ROBO2: variants seen among roughly 807,000 people sequenced by gnomAD.
ROBO2 encodes the protein roundabout guidance receptor 2.
In ROBO2, 53 loss-of-function variants were observed where a neutral mutation model predicts 160.8. The ratio of observed to expected loss-of-function variants is 0.33; its 90% CI spans 0.26 to 0.41. The LOEUF is 0.41. Among genes scored for constraint, ROBO2 ranks in the 10% least tolerant of loss-of-function variants. ROBO2 has a pLI of 1.00. For missense variants in ROBO2, 1,577 were observed against 1,722.4 expected, an observed-to-expected ratio of 0.92 and a Z score of 1.49; for synonymous variants, 664 against 611.7, an observed-to-expected ratio of 1.09 and a Z score of -1.26.
intron 2 of ROBO2, among the ~76,000 whole-genome samples, chr3:76,841,319 C>T (rs949290129): frequency 1.4e-4 from 22 of 152,220 alleles, no homozygotes; most frequent in African/African-American, 5.1e-4. Flanking sequence ...TAGCTCTCCA[C>T]GATTTCCTCT....
intron 2 of ROBO2, among the ~76,000 whole-genome samples, chr3:76,134,599 A>T (rs1174178180): frequency 2.0e-5 from 3 of 152,034 alleles, no homozygotes; most frequent in Non-Finnish European, 4.4e-5. Flanking sequence ...TTTCACCTGT[A>T]TGGAATGGCC....
intron 2 of ROBO2, among the ~76,000 whole-genome samples, chr3:76,354,418 G>T (rs1260980641): frequency 6.6e-6 from 1 of 151,624 alleles, no homozygotes; most frequent in Non-Finnish European, 1.5e-5. Context: ...CTCTTTTGAT[G>T]GTGTGCTTTT....
intron 2 of ROBO2, among the ~76,000 whole-genome samples, chr3:77,335,379 C>G (rs1402898378): frequency 6.6e-6 from 1 of 152,096 alleles, no homozygotes; most frequent in Non-Finnish European, 1.5e-5. Flanking sequence ...CGCACTCCAG[C>G]CTGGGTGACA....
chr3:76,839,789 T>G (rs1262979201), intron 2 of ROBO2, among the ~76,000 whole-genome samples: 1 of 152,312 alleles, frequency 6.6e-6, no homozygotes, highest in Non-Finnish European at 1.5e-5. Context: ...GTGGAGCCAA[T>G]GGGTCTTGTG....
intron 2 of ROBO2, among the ~76,000 whole-genome samples, chr3:77,227,723 T>C (rs1213190995): frequency 6.6e-6 from 1 of 152,170 alleles, no homozygotes; most frequent in Non-Finnish European, 1.5e-5. Flanking sequence ...AGGTGGGGAA[T>C]TGGGGTGGAC....
At chr3:77,582,983 A>C (rs886779545) in intron 16 of ROBO2, among the ~76,000 whole-genome samples, 1 of 151,542 alleles carries the variant, frequency 6.6e-6, no homozygotes, top group South Asian at 2.1e-4. Flanking sequence ...CTAGTAAAAT[A>C]CAAAAGAAAT....
At chr3:76,809,396 TCA>T (rs1187116502) in intron 2 of ROBO2, among the ~76,000 whole-genome samples, 1 of 152,162 alleles carries the variant, frequency 6.6e-6, no homozygotes, top group Non-Finnish European at 1.5e-5. Context: ...CATAGTCTTC[TCA>T]CACTGTGGCA....
chr3:76,895,523 G>T (rs1036177412), intron 2 of ROBO2, among the ~76,000 whole-genome samples: 1 of 151,974 alleles, frequency 6.6e-6, no homozygotes, highest in Non-Finnish European at 1.5e-5. Context: ...TGATTATTGT[G>T]TGAAGTCTAT....
intron 2 of ROBO2, among the ~76,000 whole-genome samples, chr3:76,137,496 A>G (rs190283756): frequency 1.1e-3 from 162 of 152,158 alleles, no homozygotes; most frequent in African/African-American, 3.8e-3. Context: ...AGTTCTGTTT[A>G]GAAATAACTC....
chr3:76,805,819 T>C (rs2064659188), intron 2 of ROBO2, among the ~76,000 whole-genome samples: 2 of 151,906 alleles, frequency 1.3e-5, no homozygotes, highest in African/African-American at 4.8e-5. Flanking sequence ...GCTCCAAACA[T>C]AGCCATTGGT....
chr3:77,130,759 C>T (rs2075784392), intron 2 of ROBO2, among the ~76,000 whole-genome samples: 1 of 152,086 alleles, frequency 6.6e-6, no homozygotes, highest in Admixed American at 6.6e-5. Flanking sequence ...TTCCATGCAC[C>T]TCTGTGTGTG....
chr3:77,030,090 GC>G (rs2063221142), intron 2 of ROBO2, among the ~76,000 whole-genome samples: 2 of 151,854 alleles, frequency 1.3e-5, no homozygotes, highest in East Asian at 1.9e-4. Flanking sequence ...GACTACAGGC[GC>G]CCGCCACCAC....
chr3:76,028,181 T>C (rs1345181363), intron 2 of ROBO2, among the ~76,000 whole-genome samples: 1 of 151,698 alleles, frequency 6.6e-6, no homozygotes, highest in African/African-American at 2.4e-5. Context: ...ATAAGCACAA[T>C]AAAACACGTG....
rs149907730 is a variant in ROBO2 at position 76,069,297 on chromosome 3, G to A, written c.109+131695G>A. Among the ~76,000 whole-genome samples the A allele has an allele frequency of 5.1e-3, 772 of 152,120 alleles. 3 individuals carry two copies. The highest frequency in any genetic ancestry group is 0.01 in the Admixed American group (159 of 15,260). On this transcript the variant is annotated intron_variant, in intron 2 of 26. Coordinates refer to the ROBO2 transcript ENST00000487694. ...TCAATAAATGATAATTTTATTCTTC[G>A]ATTATTTAAACCAAACTCTATGAAG...
chr3:76,272,229 A>G (rs577823921), intron 2 of ROBO2, among the ~76,000 whole-genome samples: 31 of 152,166 alleles, frequency 2.0e-4, no homozygotes, highest in Non-Finnish European at 4.0e-4. Flanking sequence ...ACCCAGGCAT[A>G]AATCCTTTAT....
At chr3:76,948,863 C>A (rs1378416057) in intron 2 of ROBO2, among the ~76,000 whole-genome samples, 2 of 128,500 alleles carry the variant, frequency 1.6e-5, no homozygotes, top group Non-Finnish European at 3.2e-5. Context: ...CGCCACCACA[C>A]CCGGCTAATT....
At chr3:76,861,455 T>A (rs1308406637) in intron 2 of ROBO2, among the ~76,000 whole-genome samples, 1 of 152,146 alleles carries the variant, frequency 6.6e-6, no homozygotes, top group Non-Finnish European at 1.5e-5. Context: ...CCACCACTAT[T>A]ACTCCTCTTC....
chr3:76,361,222 T>C (rs1404817489), intron 2 of ROBO2, among the ~76,000 whole-genome samples: 2 of 151,968 alleles, frequency 1.3e-5, no homozygotes, highest in Non-Finnish European at 2.9e-5. Context: ...CAAGCAAGGG[T>C]AGCTTGGTCT....
intron 2 of ROBO2, among the ~76,000 whole-genome samples, chr3:77,349,215 T>C (rs1366812969): frequency 1.3e-5 from 2 of 152,212 alleles, no homozygotes; most frequent in African/African-American, 4.8e-5. Flanking sequence ...TGGTATGTTT[T>C]GGTGCTGGCT....
Sources: gnomAD v4.1 joint callset for allele counts (sites outside exome capture counted in the v4.1 genomes callset) on GRCh38, gnomAD v4.1.1 for gene constraint, MANE v1.5 for transcripts, NCBI Gene and HGNC (gene_info 2026-07-23, HGNC 2026-07-21) for gene names.